Variants in ESR1 observed in about 807,000 individuals in gnomAD.
ESR1 encodes estrogen receptor 1.
Under a neutral mutation model 52.7 loss-of-function variants are expected in ESR1, and 12 were observed. The observed-to-expected ratio is 0.23, with a 90% CI of 0.15 to 0.37. The LOEUF (loss-of-function observed/expected upper bound fraction) is 0.37, where lower values mean the gene tolerates loss of function less well. ESR1 is among the 10% of genes least tolerant of loss of function. The pLI is 1.00. For missense variants in ESR1, 584 were observed against 779.7 expected, an observed-to-expected ratio of 0.75 and a Z score of 2.99; for synonymous variants, 305 against 316.8, an observed-to-expected ratio of 0.96 and a Z score of 0.39.
intron 4 of ESR1, among the ~76,000 whole-genome samples, chr6:151,966,589 A>T (rs1431383301): frequency 1.3e-5 from 2 of 152,102 alleles, no homozygotes; most frequent in African/African-American, 4.8e-5. Flanking sequence ...CCATGTTTAG[A>T]ATTCTCTTAC....
In ESR1 at chr6:151,766,453, C is replaced by A. The variant is rs541179299; in HGVS notation, c.-70-41390C>A. Among the ~76,000 whole-genome samples the A allele has an allele frequency of 5.3e-3, 810 of 151,938 alleles. 1 individual carries two copies. The highest frequency in any genetic ancestry group is 8.4e-3 in the Non-Finnish European group (570 of 67,972). ...CCAAGATTGCACCACTGCACTCCAA[C>A]CTGGGTGATCGAGTGAGACCCCATT... On this transcript the variant is annotated intron_variant, in intron 2 of 2. Coordinates refer to the ESR1 transcript ENST00000404742.
At chr6:151,758,437 T>C (rs1249456460) in intron 2 of ESR1, among the ~76,000 whole-genome samples, 2 of 152,256 alleles carry the variant, frequency 1.3e-5, no homozygotes, top group East Asian at 3.9e-4. Flanking sequence ...CTGGGGACTT[T>C]AGAGAATATC....
chr6:151,685,385 G>T (rs895750353), intron 1 of ESR1, among the ~76,000 whole-genome samples: 1 of 150,914 alleles, frequency 6.6e-6, no homozygotes, highest in Non-Finnish European at 1.5e-5. Flanking sequence ...CACCCGCCTC[G>T]GCCTCCCAAA....
At chr6:151,692,407 T>G (rs1779016821) in intron 1 of ESR1, among the ~76,000 whole-genome samples, 1 of 152,180 alleles carries the variant, frequency 6.6e-6, no homozygotes, top group East Asian at 1.9e-4. Context: ...GTGGTTGAGT[T>G]TACTTTGCTT....
At chr6:151,896,588 A>G (rs1007631994) in intron 3 of ESR1, among the ~76,000 whole-genome samples, 3 of 151,926 alleles carry the variant, frequency 2.0e-5, no homozygotes, top group African/African-American at 7.3e-5. Context: ...TTTCTTGGTT[A>G]ATCTTGCTAA....
intron 2 of ESR1, 122 bp from the exon 3 acceptor site, chr6:151,880,533 G>C: frequency 1.3e-6 from 1 of 766,468 alleles, no homozygotes; most frequent in East Asian, 2.4e-5. Context: ...CAGGCAGGCT[G>C]GGGAGCAACA....
chr6:151,740,750 G>A (rs964516009), intron 2 of ESR1, among the ~76,000 whole-genome samples: 4 of 151,978 alleles, frequency 2.6e-5, no homozygotes, highest in African/African-American at 7.3e-5. Context: ...TGAATCTGAT[G>A]CCCAATATTC....
At chr6:151,816,999 G>C (rs1446304791) in intron 1 of ESR1, among the ~76,000 whole-genome samples, 1 of 152,214 alleles carries the variant, frequency 6.6e-6, no homozygotes, top group Non-Finnish European at 1.5e-5. Flanking sequence ...ATTAATTGAA[G>C]CTGAGGTAAG....
chr6:151,856,082 A>G (rs979484707), intron 2 of ESR1, among the ~76,000 whole-genome samples: 2 of 152,136 alleles, frequency 1.3e-5, no homozygotes, highest in Non-Finnish European at 2.9e-5. Context: ...CAGTAAATCT[A>G]TTTTGCATCC....
chr6:151,749,221 G>A (rs1783719262), intron 2 of ESR1, among the ~76,000 whole-genome samples: 1 of 151,040 alleles, frequency 6.6e-6, no homozygotes, highest in Non-Finnish European at 1.5e-5. Flanking sequence ...TTGTGGAAAA[G>A]GGTGAAAAGT....
rs566695717 is a variant in ESR1, at chr6:151,657,740, A to G, written n.73+977A>G. On this transcript the variant is annotated intron_variant and non_coding_transcript_variant, in intron 1 of 2. Transcript: ENST00000473497. ...AGTAGATGGACTGCAAATGTTACACATATTTCAATATGTATCCAGCTTTCA... is the reference window on the plus strand; with the variant it reads ...AGTAGATGGACTGCAAATGTTACACGTATTTCAATATGTATCCAGCTTTCA... 2.0e-3 allele frequency among the ~76,000 whole-genome samples: 304 copies of G among 152,336 alleles called. 2 individuals carry two copies. The highest frequency in any genetic ancestry group is 7.1e-3 in the African/African-American group (294 of 41,584).
chr6:152,077,626 G>T (rs1050650691), intron 6 of ESR1, among the ~76,000 whole-genome samples: 1 of 152,202 alleles, frequency 6.6e-6, no homozygotes. Flanking sequence ...AAAGCCACAG[G>T]GGCAGAGCTG....
chr6:151,818,993 T>A (rs558755504), intron 1 of ESR1, among the ~76,000 whole-genome samples: 30 of 152,312 alleles, frequency 2.0e-4, no homozygotes, highest in Non-Finnish European at 1.5e-4. Flanking sequence ...ATCAGTCTCC[T>A]AACTATTACT....
At chr6:151,660,896 A>G (rs1022828520) in intron 1 of ESR1, among the ~76,000 whole-genome samples, 1 of 152,204 alleles carries the variant, frequency 6.6e-6, no homozygotes, top group Non-Finnish European at 1.5e-5. Flanking sequence ...GAGCTTTAAA[A>G]TATATGCTGA....
At chr6:152,043,503 C>A (rs1413945245) in intron 5 of ESR1, among the ~76,000 whole-genome samples, 8 of 152,170 alleles carry the variant, frequency 5.3e-5, no homozygotes, top group African/African-American at 1.9e-4. Context: ...CTCTAAGGGG[C>A]CTGCCGGGAC....
intron 6 of ESR1, among the ~76,000 whole-genome samples, chr6:152,112,202 T>A (rs1340278704): frequency 6.6e-6 from 1 of 152,174 alleles, no homozygotes; most frequent in Non-Finnish European, 1.5e-5. Flanking sequence ...GCTCCAGGCT[T>A]CTGTCTATGG....
chr6:151,664,738 T>A (rs1777761506), intron 1 of ESR1, among the ~76,000 whole-genome samples: 1 of 152,274 alleles, frequency 6.6e-6, no homozygotes, highest in East Asian at 1.9e-4. Flanking sequence ...TCTACTTTTT[T>A]CTTTTTCACA....
At chr6:152,020,596 A>G (rs1278042272) in intron 5 of ESR1, among the ~76,000 whole-genome samples, 1 of 151,996 alleles carries the variant, frequency 6.6e-6, no homozygotes, top group African/African-American at 2.4e-5. Flanking sequence ...GATTACACGC[A>G]TGCGCCATCA....
At chr6:151,925,124 T>TTTGTTTG (rs1554285732) in intron 3 of ESR1, among the ~76,000 whole-genome samples, 3,710 of 150,686 alleles carry the variant, frequency 0.025, 105 homozygotes, top group East Asian at 0.079. Context: ...CAGCATCTGG[T>TTTGTTTG]TTTTTTTGTT....
Sources: gnomAD v4.1 joint callset for allele counts (sites outside exome capture counted in the v4.1 genomes callset) on GRCh38, gnomAD v4.1.1 for gene constraint, MANE v1.5 for transcripts, NCBI Gene and HGNC (gene_info 2026-07-23, HGNC 2026-07-21) for gene names.